The following KCTD8 variants were observed in gnomAD, a reference collection of about 807,000 sequenced individuals.
KCTD8 encodes potassium channel tetramerization domain containing 8.
KCTD8 carries 27 observed loss-of-function variants against 31.5 expected under a neutral mutation model. That is an observed-to-expected ratio of 0.86 (90% CI 0.63 to 1.18). The LOEUF (loss-of-function observed/expected upper bound fraction) is 1.18, where lower values mean the gene tolerates loss of function less well. KCTD8 is among the 50% of genes most tolerant of loss of function. KCTD8 has a pLI of 0.00. For synonymous variants in KCTD8, 290 were observed against 280.0 expected (o/e 1.04, Z -0.36); for missense variants, 658 against 647.7 (o/e 1.02, Z -0.17).
intron 1 of KCTD8, among the ~76,000 whole-genome samples, chr4:44,234,757 T>C (rs1020231534): frequency 1.3e-5 from 2 of 152,188 alleles, no homozygotes; most frequent in Non-Finnish European, 2.9e-5. Context: ...GCGAATATTA[T>C]AGATAAGGTT....
chr4:44,281,193 C>T (rs1335664085), intron 1 of KCTD8, among the ~76,000 whole-genome samples: 1 of 152,050 alleles, frequency 6.6e-6, no homozygotes, highest in Non-Finnish European at 1.5e-5. Flanking sequence ...ATGCAAAACT[C>T]TGTCACTTGT....
chr4:44,275,457 T>G (rs781067484), intron 1 of KCTD8, among the ~76,000 whole-genome samples: 4 of 151,904 alleles, frequency 2.6e-5, no homozygotes, highest in Non-Finnish European at 5.9e-5. Flanking sequence ...CATAAAAGCA[T>G]GGAAACAGAA....
At chr4:44,388,702 A>T (rs1302833887) in intron 1 of KCTD8, among the ~76,000 whole-genome samples, 1 of 151,600 alleles carries the variant, frequency 6.6e-6, no homozygotes, top group African/African-American at 2.4e-5. Context: ...GGCCTTTCAG[A>T]GGGTGGAGGG....
chr4:44,259,813 G>T (rs1026378365), intron 1 of KCTD8, among the ~76,000 whole-genome samples: 1 of 151,822 alleles, frequency 6.6e-6, no homozygotes. Context: ...AAGGCAAATT[G>T]TTCTTTATGC....
chr4:44,357,375 T>C (rs12498279), intron 1 of KCTD8, among the ~76,000 whole-genome samples: 46,800 of 152,054 alleles, frequency 0.31, 7,931 homozygotes, highest in Non-Finnish European at 0.39. Context: ...AAGTAATAAA[T>C]ATTTGAATAA....
At chr4:44,314,288 T>G (rs1410893172) in intron 1 of KCTD8, among the ~76,000 whole-genome samples, 1 of 152,102 alleles carries the variant, frequency 6.6e-6, no homozygotes, top group Non-Finnish European at 1.5e-5. Context: ...AAAAGTGAGT[T>G]TGAAATACTG....
chr4:44,183,557 A>G (rs773827012), intron 1 of KCTD8, among the ~76,000 whole-genome samples: 2 of 152,192 alleles, frequency 1.3e-5, no homozygotes, highest in Admixed American at 6.5e-5. Context: ...AGAAAAGTGG[A>G]AAAGATAGCT....
At chr4:44,340,867 C>A (rs768036534) in intron 1 of KCTD8, among the ~76,000 whole-genome samples, 1 of 151,788 alleles carries the variant, frequency 6.6e-6, no homozygotes, top group African/African-American at 2.4e-5. Context: ...GGAAAAGATA[C>A]GGTGAAATTA....
rs186728958 is a variant in KCTD8 at position 44,245,908 on chromosome 4, C to G, written c.962-70658G>C. Among the ~76,000 whole-genome samples, 6 of 152,108 alleles carry G rather than the reference C, an allele frequency of 3.9e-5. No homozygotes were observed. The East Asian group carries it at 1.2e-3, about 29-fold the overall frequency. The stretch of plus-strand genomic sequence containing the variant: ...CAAAATATACCACCTGTATAATACT[C>G]TCAATTTTTTTATAAGTTTCTGATA... On this transcript the variant is annotated intron_variant, in intron 1 of 1. Transcript: ENST00000360029.
intron 1 of KCTD8, among the ~76,000 whole-genome samples, chr4:44,299,927 A>AT (rs1717558997): frequency 6.6e-6 from 1 of 151,504 alleles, no homozygotes. Flanking sequence ...AATTTTTTGT[A>AT]TTTTTAGTAG....
chr4:44,414,162 C>T (rs983330107), intron 1 of KCTD8, among the ~76,000 whole-genome samples: 1 of 149,446 alleles, frequency 6.7e-6, no homozygotes, highest in African/African-American at 2.5e-5. Context: ...TTTATAGCAG[C>T]AATAAGAAAC....
intron 1 of KCTD8, among the ~76,000 whole-genome samples, chr4:44,408,003 C>T (rs1183469317): frequency 1.3e-5 from 2 of 152,128 alleles, no homozygotes; most frequent in Non-Finnish European, 2.9e-5. Context: ...AAGATCTTCT[C>T]TGACACTTTT....
intron 1 of KCTD8, among the ~76,000 whole-genome samples, chr4:44,392,350 G>A (rs1720395802): frequency 6.6e-6 from 1 of 151,808 alleles, no homozygotes; most frequent in African/African-American, 2.4e-5. Flanking sequence ...GTAAAACAAG[G>A]CATTAAATAA....
chr4:44,330,072 G>C (rs1718556836), intron 1 of KCTD8, among the ~76,000 whole-genome samples: 1 of 151,778 alleles, frequency 6.6e-6, no homozygotes, highest in African/African-American at 2.4e-5. Context: ...AAAATGCAAT[G>C]AACATGTCAG....
chr4:44,193,704 T>A (rs1200535118), intron 1 of KCTD8, among the ~76,000 whole-genome samples: 1 of 152,152 alleles, frequency 6.6e-6, no homozygotes, highest in Non-Finnish European at 1.5e-5. Flanking sequence ...CTAACTCAGT[T>A]CATTGTGACC....
intron 1 of KCTD8, among the ~76,000 whole-genome samples, chr4:44,318,971 G>C (rs1718216076): frequency 6.6e-6 from 1 of 152,114 alleles, no homozygotes; most frequent in Admixed American, 6.5e-5. Flanking sequence ...TTCACTTTAG[G>C]TAAGATGGCA....
intron 1 of KCTD8, among the ~76,000 whole-genome samples, chr4:44,301,134 G>A (rs1013387994): frequency 1.3e-5 from 2 of 151,998 alleles, no homozygotes; most frequent in African/African-American, 4.8e-5. Context: ...CATTTGGGTT[G>A]GTTCCAAGTC....
chr4:44,402,890 T>C (rs915622406), intron 1 of KCTD8, among the ~76,000 whole-genome samples: 7 of 152,176 alleles, frequency 4.6e-5, no homozygotes, highest in Non-Finnish European at 1.0e-4. Context: ...ACTCAAACTG[T>C]TCACTGACAC....
intron 1 of KCTD8, among the ~76,000 whole-genome samples, chr4:44,310,981 G>C (rs1185889581): frequency 6.6e-6 from 1 of 151,506 alleles, no homozygotes. Context: ...CCATGCTTCT[G>C]CAACCCCTAT....
Sources: allele counts gnomAD v4.1 joint callset (sites outside exome capture counted in the v4.1 genomes callset), GRCh38; gene constraint gnomAD v4.1.1; transcripts MANE v1.5; gene names NCBI Gene and HGNC (gene_info 2026-07-23, HGNC 2026-07-21).